The following AXIN1 variants were observed in gnomAD, a reference collection of about 807,000 sequenced individuals.
The protein encoded by AXIN1 is axin-1.
A neutral mutation model predicts 76.4 loss-of-function variants in AXIN1; 30 were observed. The ratio of observed to expected loss-of-function variants is 0.39; its 90% CI spans 0.29 to 0.53. The LOEUF (loss-of-function observed/expected upper bound fraction) is 0.53. Ranked by LOEUF, AXIN1 falls within the 20% of genes least tolerant of loss-of-function variation. The probability of loss-of-function intolerance (pLI) is 0.66; values close to 1 mark genes in which losing one functional copy is unlikely to be tolerated. For synonymous variants in AXIN1, 545 were observed against 501.4 expected (o/e 1.09, Z -1.16); for missense variants, 1,140 against 1,198.8 (o/e 0.95, Z 0.72).
In AXIN1 at chr16:346,620, TCTC is replaced by T. The variant is rs1225958459; in HGVS notation, c.403_405del (p.Glu135del). 17 of 1,592,490 alleles carry T rather than the reference TCTC, an allele frequency of 1.1e-5. No homozygotes were observed. The highest frequency in any genetic ancestry group is 1.4e-5 in the African/African-American group (1 of 73,988). The stretch of plus-strand genomic sequence containing the variant: ...ATGGCTCTCGCCAGCTTCAGCCTCT[TCTC>T]CTCGTTCGAGTCACAGGGCTCCAGC... On this transcript the variant is annotated inframe_deletion, in exon 2 of 11. Coordinates refer to ENST00000262320, the MANE Select transcript of AXIN1 (RefSeq NM_003502.4).
intron 2 of AXIN1, among the ~76,000 whole-genome samples, chr16:336,818 A>G (rs1297365090): frequency 2.1e-5 from 1 of 47,316 alleles, no homozygotes; most frequent in Non-Finnish European, 4.1e-5. Context: ...CTCCGCCTCA[A>G]AAAAAAAAAA....
At chr16:320,610 A>G (rs1002440654) in intron 2 of AXIN1, among the ~76,000 whole-genome samples, 1 of 151,856 alleles carries the variant, frequency 6.6e-6, no homozygotes, top group Non-Finnish European at 1.5e-5. Flanking sequence ...ATTACCTTTA[A>G]AATTACTAAG....
chr16:307,273 G>A (rs146614395), intron 4 of AXIN1, among the ~76,000 whole-genome samples: 225 of 152,318 alleles, frequency 1.5e-3, no homozygotes, highest in African/African-American at 5.2e-3. Flanking sequence ...AAAGACTCCA[G>A]GTGGCCTTGC....
chr16:310,206 G>C (rs562210631), intron 3 of AXIN1, 137 bp from the exon 4 acceptor site: 20 of 733,460 alleles, frequency 2.7e-5, no homozygotes, highest in Admixed American at 4.0e-5. Flanking sequence ...ACTGAGACAC[G>C]TGCACACAGG....
chr16:323,244 C>T (rs561821816), intron 2 of AXIN1, among the ~76,000 whole-genome samples: 12 of 151,896 alleles, frequency 7.9e-5, no homozygotes, highest in Non-Finnish European at 1.3e-4. Flanking sequence ...TCGAGACCCT[C>T]CTGGCTAACA....
intron 2 of AXIN1, among the ~76,000 whole-genome samples, chr16:323,713 G>A (rs955565260): frequency 6.6e-5 from 10 of 151,326 alleles, no homozygotes; most frequent in African/African-American, 1.5e-4. Context: ...CCCGGGAGGC[G>A]GAGCTTGCAG....
At chr16:317,686 G>C (rs566696543) in intron 2 of AXIN1, among the ~76,000 whole-genome samples, 6 of 152,364 alleles carry the variant, frequency 3.9e-5, no homozygotes, top group African/African-American at 1.4e-4. Context: ...ACATAGAGCA[G>C]ATAAAATGAT....
In AXIN1 at chr16:297,209, G is replaced by A. The variant is rs373454022; in HGVS notation, c.1802C>T (p.Ala601Val). ...GLAHSGKVGV[A>V]CKRNAKKAES... ...AGCCTTCTTGGCATTTCTTTTGCAC[G>A]CCACGCCCACCTTCCCACTGCAAGG... Residue 601 changes from alanine (A) to valine (V), a missense_variant, in exon 7 of 11, where the codon GCG (alanine) becomes GTG (valine). Physicochemically the swap from Ala to Val is moderately conservative, Grantham distance 64. This residue lies in a region of AXIN1 where 429 missense variants were observed against 405.8 expected (regional missense o/e 1.06). Coordinates refer to ENST00000262320, the MANE Select transcript of AXIN1 (RefSeq NM_003502.4). The A allele has an allele frequency of 3.9e-5, 62 of 1,607,296 alleles. No homozygotes were observed. The highest frequency in any genetic ancestry group is 2.8e-4 in the African/African-American group (21 of 75,044).
chr16:343,521 G>A (rs2053969974), intron 2 of AXIN1, among the ~76,000 whole-genome samples: 1 of 151,862 alleles, frequency 6.6e-6, no homozygotes, highest in African/African-American at 2.4e-5. Context: ...GGCCAACGTG[G>A]TAAAACCCCA....
At position 293,836 on chromosome 16, in the gene AXIN1, TG is replaced by T. The variant is rs2141488168; in HGVS notation, c.1956-119del. Reference sequence around the variant, plus strand: ...TGAGGGATAGGATGGGATGGGGCACTGGGGCCTGGCCACCAAGCCACATGGA... The same window carrying T: ...TGAGGGATAGGATGGGATGGGGCACTGGGCCTGGCCACCAAGCCACATGGA... On this transcript the variant is annotated intron_variant, in intron 7 of 10. Coordinates refer to ENST00000262320, the MANE Select transcript of AXIN1 (RefSeq NM_003502.4). This position sits in a 1 kb window ranked among gnomAD's most constrained non-coding sequence, Gnocchi z 4.6. 3.0e-6 allele frequency: 3 copies of T among 999,216 alleles called. No individual in the cohort carries two copies. The highest frequency in any genetic ancestry group is 4.7e-6 in the Non-Finnish European group (3 of 640,342). The allele number at this position is 999,216 out of a possible 1,614,324, so 61.9% of individuals were successfully genotyped here. A position where few individuals can be genotyped will look rare whatever the true frequency, so the allele number is the denominator to read the frequency against.
In AXIN1 at chr16:293,968, G is replaced by A. The variant is rs1455405792; in HGVS notation, c.1956-250C>T. Among the ~76,000 whole-genome samples, 4 of 148,840 alleles carry A rather than the reference G, an allele frequency of 2.7e-5. No individual in the cohort carries two copies. The highest frequency in any genetic ancestry group is 6.1e-5 in the Non-Finnish European group (4 of 66,012). Reference sequence around the variant, plus strand: ...CGAGGCGGGCAGATCACCAGAGGTCGGGAGTTCGAGATCAACCTAACATGG... The same window carrying A: ...CGAGGCGGGCAGATCACCAGAGGTCAGGAGTTCGAGATCAACCTAACATGG... On this transcript the variant is annotated intron_variant, in intron 7 of 10. Coordinates refer to ENST00000262320, the MANE Select transcript of AXIN1 (RefSeq NM_003502.4). The surrounding 1 kb of genome is among the most constrained non-coding windows in gnomAD (Gnocchi z 4.6).
At chr16:288,306 C>T (rs2052445004) in intron 10 of AXIN1, 58 bp from the exon 11 acceptor site, 2 of 1,610,272 alleles carry the variant, frequency 1.2e-6, no homozygotes, top group East Asian at 2.2e-5. Flanking sequence ...GGGAAGGAGG[C>T]CTGTGGCAGG....
rs180768433 is a variant in AXIN1, at chr16:332,315, C to G, written c.878+13833G>C. On this transcript the variant is annotated intron_variant, in intron 2 of 10. Transcript: ENST00000262320. ...CAGCCAGGCTGGGCGCGGTGGCTCA[C>G]GCCTGTAATCCCAGCACTTTGGGAG... Among the ~76,000 whole-genome samples the G allele has an allele frequency of 7.2e-5, 11 of 151,974 alleles. No individual in the cohort carries two copies. In the South Asian group the frequency reaches 1.7e-3, roughly 23 times the overall value.
At chr16:322,463 G>C (rs2053480325) in intron 2 of AXIN1, among the ~76,000 whole-genome samples, 1 of 152,238 alleles carries the variant, frequency 6.6e-6, no homozygotes, top group African/African-American at 2.4e-5. Context: ...AGGTGTGGGA[G>C]GCCTGTGCAG....
At chr16:340,269 C>T (rs2030295640) in intron 2 of AXIN1, among the ~76,000 whole-genome samples, 1 of 152,216 alleles carries the variant, frequency 6.6e-6, no homozygotes. Flanking sequence ...GTGGACATGT[C>T]TGTTGTCCAC....
chr16:320,311 G>A (rs1289725904), intron 2 of AXIN1, among the ~76,000 whole-genome samples: 1 of 152,140 alleles, frequency 6.6e-6, no homozygotes, highest in African/African-American at 2.4e-5. Flanking sequence ...GTCCGAATGT[G>A]CTGGGATTAC....
In AXIN1 at chr16:301,467, C is replaced by T. The variant is rs992614237; in HGVS notation, c.1254+2837G>A. On this transcript the variant is annotated intron_variant, in intron 5 of 10. Coordinates refer to ENST00000262320, the MANE Select transcript of AXIN1 (RefSeq NM_003502.4). ...GAGTCACAGGTGAGAGCCACACACTCAGCACCTGTGGCTACGCCTGCCTTT... is the reference window on the plus strand; with the variant it reads ...GAGTCACAGGTGAGAGCCACACACTTAGCACCTGTGGCTACGCCTGCCTTT... Among the ~76,000 whole-genome samples, 2 of 152,020 alleles carry T rather than the reference C, an allele frequency of 1.3e-5. 1 individual carries two copies. The highest frequency in any genetic ancestry group is 4.1e-4 in the South Asian group (2 of 4,820).
At chr16:326,937 G>A (rs142652563) in intron 2 of AXIN1, among the ~76,000 whole-genome samples, 48 of 151,690 alleles carry the variant, frequency 3.2e-4, no homozygotes, top group Non-Finnish European at 6.2e-4. Context: ...TCAGGAGATG[G>A]AGACCATCCT....
chr16:344,159 G>A (rs984190825), intron 2 of AXIN1, among the ~76,000 whole-genome samples: 4 of 152,178 alleles, frequency 2.6e-5, no homozygotes, highest in East Asian at 1.9e-4. Flanking sequence ...AAGGCCGGGC[G>A]TGGTGGCCCA....
Sources: allele counts gnomAD v4.1 joint callset (sites outside exome capture counted in the v4.1 genomes callset), GRCh38; gene constraint gnomAD v4.1.1; regional missense constraint gnomAD v4.1.1; non-coding constraint Gnocchi (gnomAD v3.1); transcripts MANE v1.5; gene names NCBI Gene and HGNC (gene_info 2026-07-23, HGNC 2026-07-21).